The following LAMA3 variants were observed in gnomAD, a reference collection of about 807,000 sequenced individuals.
LAMA3 encodes laminin subunit alpha 3.
In LAMA3, 281 loss-of-function variants were observed where a neutral mutation model predicts 402.0. The ratio of observed to expected loss-of-function variants is 0.70; its 90% CI spans 0.63 to 0.77. The LOEUF (loss-of-function observed/expected upper bound fraction) is 0.77, where lower values mean the gene tolerates loss of function less well. Among genes scored for constraint, LAMA3 ranks in the 30% least tolerant of loss-of-function variants. LAMA3 has a pLI of 0.00. For missense variants in LAMA3, 3,840 were observed against 4,215.5 expected (o/e 0.91, Z 2.47); for synonymous variants, 1,431 against 1,558.4 (o/e 0.92, Z 1.93).
At chr18:23,846,976 G>C (rs1309349781) in intron 31 of LAMA3, among the ~76,000 whole-genome samples, 1 of 152,180 alleles carries the variant, frequency 6.6e-6, no homozygotes, top group Non-Finnish European at 1.5e-5. Flanking sequence ...ACCATCTTGT[G>C]GTCCGAGGGG....
chr18:23,912,918 CAA>C (rs2081483430), intron 56 of LAMA3, 37 bp downstream of exon 56: 1 of 1,586,228 alleles, frequency 6.3e-7, no homozygotes, highest in Non-Finnish European at 8.6e-7. Flanking sequence ...GTTTTTGAAA[CAA>C]TGTTTTTCGA....
chr18:23,869,929 G>A (rs955967446), intron 37 of LAMA3, among the ~76,000 whole-genome samples: 30 of 151,808 alleles, frequency 2.0e-4, no homozygotes, highest in African/African-American at 7.0e-4. Context: ...TTAGCCAGGC[G>A]TGGTGGCACA....
Position 23,873,494 on chromosome 18 carries a change from C to G in LAMA3, c.4998+1833C>G, listed in dbSNP as rs185464208. ...GTTAATATACGATGAAACTTTATGC[C>G]CTTTAGAGACCATCCCAAGCCTCAG... On this transcript the variant is annotated intron_variant, in intron 38 of 74. Transcript: ENST00000313654. Among the ~76,000 whole-genome samples the G allele has an allele frequency of 1.3e-3, 199 of 152,228 alleles. 1 individual carries two copies. The highest frequency in any genetic ancestry group is 4.3e-3 in the African/African-American group (180 of 41,536).
intron 10 of LAMA3, among the ~76,000 whole-genome samples, chr18:23,777,217 A>G (rs2062340775): frequency 6.6e-6 from 1 of 151,590 alleles, no homozygotes; most frequent in African/African-American, 2.4e-5. Flanking sequence ...GAAAAAAATG[A>G]AAGAAAATAT....
intron 12 of LAMA3, among the ~76,000 whole-genome samples, chr18:23,789,059 C>T (rs2144059442): frequency 6.6e-6 from 1 of 152,110 alleles, no homozygotes; most frequent in East Asian, 1.9e-4. Flanking sequence ...AGAAGATATA[C>T]AAATGGCCAA....
chr18:23,733,669 G>A (rs2061429520), intron 2 of LAMA3, among the ~76,000 whole-genome samples: 1 of 152,166 alleles, frequency 6.6e-6, no homozygotes, highest in Non-Finnish European at 1.5e-5. Flanking sequence ...AAGATAAATC[G>A]GAGTTTATTG....
At chr18:23,933,395 A>C (rs1199896087) in intron 66 of LAMA3, among the ~76,000 whole-genome samples, 1 of 152,218 alleles carries the variant, frequency 6.6e-6, no homozygotes, top group Non-Finnish European at 1.5e-5. Context: ...TTTTAAAAAA[A>C]TCATGGATAC....
intron 18 of LAMA3, among the ~76,000 whole-genome samples, chr18:23,819,418 A>C (rs908200169): frequency 6.6e-6 from 1 of 152,246 alleles, no homozygotes; most frequent in East Asian, 1.9e-4. Flanking sequence ...GTTCATCATT[A>C]TACCTATGGT....
chr18:23,818,521 G>T (rs1222946691), intron 18 of LAMA3, among the ~76,000 whole-genome samples: 4 of 152,148 alleles, frequency 2.6e-5, no homozygotes, highest in Non-Finnish European at 5.9e-5. Context: ...TCCCCCACAT[G>T]TTTGCTCTGG....
intron 12 of LAMA3, among the ~76,000 whole-genome samples, chr18:23,784,676 GAA>G (rs1253660891): frequency 6.6e-6 from 1 of 152,148 alleles, no homozygotes; most frequent in African/African-American, 2.4e-5. Flanking sequence ...AAGGGTCGCT[GAA>G]GGGGGGATGG....
intron 65 of LAMA3, 182 bp downstream of exon 65, chr18:23,931,383 A>G (rs1263438517): frequency 1.6e-6 from 1 of 614,044 alleles, no homozygotes; most frequent in East Asian, 2.9e-5. Flanking sequence ...ACTGCCACAC[A>G]TGGTGGCTCA....
intron 68 of LAMA3, among the ~76,000 whole-genome samples, chr18:23,940,892 C>G (rs1345035517): frequency 2.0e-5 from 3 of 151,782 alleles, no homozygotes; most frequent in African/African-American, 4.8e-5. Flanking sequence ...CACCCCTGCT[C>G]TCTTGGTCAA....
intron 27 of LAMA3, among the ~76,000 whole-genome samples, chr18:23,840,463 GCCT>G (rs2063676676): frequency 7.1e-6 from 1 of 140,952 alleles, no homozygotes; most frequent in Non-Finnish European, 1.5e-5. Context: ...GCTTACTGCA[GCCT>G]CCAACTCCTG....
intron 39 of LAMA3, among the ~76,000 whole-genome samples, chr18:23,876,754 G>A (rs1198814854): frequency 1.4e-4 from 22 of 152,140 alleles, no homozygotes. Flanking sequence ...TTTTGTTGGG[G>A]CGGCAGGAAG....
intron 6 of LAMA3, 138 bp downstream of exon 6, chr18:23,753,950 G>A (rs1265383331): frequency 7.0e-6 from 5 of 710,420 alleles, no homozygotes; most frequent in Non-Finnish European, 1.3e-5. Context: ...TAGGTGGGGG[G>A]TGTGTGCCTC....
At chr18:23,781,586 G>A (rs968896989) in intron 11 of LAMA3, among the ~76,000 whole-genome samples, 7 of 152,208 alleles carry the variant, frequency 4.6e-5, no homozygotes, top group African/African-American at 1.7e-4. Flanking sequence ...TATGAAGTGT[G>A]ACAAGACAAA....
At position 23,768,165 on chromosome 18, in the gene LAMA3, C is replaced by CAA. The variant is rs58720366; in HGVS notation, c.1182+4655_1182+4656dup. On this transcript the variant is annotated intron_variant, in intron 8 of 74. Coordinates refer to ENST00000313654, the MANE Select transcript of LAMA3 (RefSeq NM_198129.4). ...ATTAAACTAAAGAGCTTCTATACTA[C>CAA]AAAAAAAAAAAAAACTATCAGCAGA... Among the ~76,000 whole-genome samples the CAA allele has an allele frequency of 1.9e-4, 27 of 142,172 alleles. 1 individual carries two copies. In the East Asian group the frequency reaches 2.3e-3, roughly 12 times the overall value. 93.3% of individuals were successfully genotyped at this position (142,172 alleles called of 152,430 possible). A position where few individuals can be genotyped will look rare whatever the true frequency, so the allele number is the denominator to read the frequency against.
At chr18:23,795,136 C>G (rs1263231758) in intron 12 of LAMA3, among the ~76,000 whole-genome samples, 6 of 152,098 alleles carry the variant, frequency 3.9e-5, no homozygotes, top group Non-Finnish European at 4.4e-5. Context: ...TCAGCCTAGT[C>G]TCCTCCTCCC....
intron 1 of LAMA3, among the ~76,000 whole-genome samples, chr18:23,690,553 C>T (rs1243969014): frequency 1.3e-5 from 2 of 152,200 alleles, no homozygotes; most frequent in Non-Finnish European, 2.9e-5. Flanking sequence ...GAAAGGCTCT[C>T]AGAGATCCGA....
Sources: allele counts gnomAD v4.1 joint callset (sites outside exome capture counted in the v4.1 genomes callset), GRCh38; gene constraint gnomAD v4.1.1; transcripts MANE v1.5; gene names NCBI Gene and HGNC (gene_info 2026-07-23, HGNC 2026-07-21).